CNTNAP4: variants seen among roughly 807,000 people sequenced by gnomAD.
CNTNAP4 encodes contactin associated protein family member 4, also known as contactin-associated protein-like 4.
Under a neutral mutation model 148.4 loss-of-function variants are expected in CNTNAP4, and 98 were observed. The observed-to-expected ratio is 0.66, with a 90% CI of 0.56 to 0.78. CNTNAP4 has a LOEUF of 0.78. CNTNAP4 is among the 30% of genes least tolerant of loss of function. The probability of loss-of-function intolerance (pLI) is 0.00; values close to 1 mark genes in which losing one functional copy is unlikely to be tolerated. For synonymous variants in CNTNAP4, 730 were observed against 565.1 expected, an observed-to-expected ratio of 1.29 and a Z score of -4.14; for missense variants, 1,935 against 1,565.6, an observed-to-expected ratio of 1.24 and a Z score of -3.98.
chr16:76,391,720 C>G (rs1173691932), intron 3 of CNTNAP4, among the ~76,000 whole-genome samples: 1 of 152,156 alleles, frequency 6.6e-6, no homozygotes, highest in East Asian at 1.9e-4. Context: ...TCACATGAAG[C>G]TTGAGTAACA....
intron 2 of CNTNAP4, among the ~76,000 whole-genome samples, chr16:76,348,365 A>G (rs182344484): frequency 2.0e-5 from 3 of 152,158 alleles, no homozygotes; most frequent in Admixed American, 2.0e-4. Context: ...GAGTGTAGGC[A>G]GATTTATGAA....
At chr16:76,402,780 C>T (rs1196576933) in intron 3 of CNTNAP4, among the ~76,000 whole-genome samples, 3 of 152,172 alleles carry the variant, frequency 2.0e-5, no homozygotes, top group African/African-American at 7.2e-5. Flanking sequence ...TTCTTGATTT[C>T]AGCCTTAATT....
At chr16:76,488,932 C>G (rs1361478697) in intron 12 of CNTNAP4, among the ~76,000 whole-genome samples, 1 of 152,124 alleles carries the variant, frequency 6.6e-6, no homozygotes, top group Non-Finnish European at 1.5e-5. Context: ...CTAGTAGATA[C>G]TCAAAGATAT....
intron 1 of CNTNAP4, among the ~76,000 whole-genome samples, chr16:76,281,261 A>G (rs547888779): frequency 5.3e-4 from 81 of 152,230 alleles, no homozygotes; most frequent in African/African-American, 1.9e-3. Context: ...TATAGCAGAA[A>G]ATAACTAGAA....
chr16:76,554,130 C>T (rs2085089109), intron 23 of CNTNAP4, among the ~76,000 whole-genome samples: 1 of 152,180 alleles, frequency 6.6e-6, no homozygotes, highest in Admixed American at 6.5e-5. Context: ...TTGACAATTT[C>T]ACTGAAGCAT....
chr16:76,342,473 T>G (rs961397723), intron 2 of CNTNAP4, among the ~76,000 whole-genome samples: 1 of 135,678 alleles, frequency 7.4e-6, no homozygotes, highest in South Asian at 2.5e-4. Context: ...TTCTTTTTTT[T>G]TTTTTTTTTT....
chr16:76,491,518 C>T (rs1343255110), intron 13 of CNTNAP4, among the ~76,000 whole-genome samples: 1 of 152,172 alleles, frequency 6.6e-6, no homozygotes, highest in East Asian at 1.9e-4. Flanking sequence ...CCCTCATTTC[C>T]AGCTCTCCAG....
intron 10 of CNTNAP4, among the ~76,000 whole-genome samples, chr16:76,474,413 A>C (rs1236830601): frequency 2.0e-5 from 3 of 152,194 alleles, no homozygotes; most frequent in African/African-American, 7.2e-5. Context: ...AAACCTATCT[A>C]AATTGTGGTT....
chr16:76,352,178 G>A (rs963925911), intron 2 of CNTNAP4, among the ~76,000 whole-genome samples: 11 of 152,156 alleles, frequency 7.2e-5, no homozygotes, highest in Non-Finnish European at 1.3e-4. Flanking sequence ...GAGATATGCA[G>A]TTGTAGCAAT....
intron 3 of CNTNAP4, among the ~76,000 whole-genome samples, chr16:76,386,353 G>A (rs914316563): frequency 3.9e-5 from 6 of 152,034 alleles, no homozygotes; most frequent in African/African-American, 1.4e-4. Context: ...ATTGGAAACT[G>A]CCCTTTGCCT....
In CNTNAP4 at chr16:76,521,118, C is replaced by CT. The variant is rs11353699; in HGVS notation, c.2366-11dup. ...TTGTTTTCTTTCTGAATTTTTTTTT[C>CT]TTTTTTTTTTTCACAAAACAGGATC... On this transcript the variant is annotated intron_variant, in intron 15 of 23. Coordinates refer to ENST00000611870, the MANE Select transcript of CNTNAP4 (RefSeq NM_033401.5). 2.0e-4 allele frequency: 253 copies of CT among 1,237,066 alleles called. No homozygotes were observed. In the African/African-American group the frequency reaches 3.0e-3, roughly 15 times the overall value. The allele number at this position is 1,237,066 out of a possible 1,614,324, so 76.6% of individuals were successfully genotyped here. A position where few individuals can be genotyped will look rare whatever the true frequency, so the allele number is the denominator to read the frequency against.
At chr16:76,483,275 C>T (rs1021268454) in intron 12 of CNTNAP4, among the ~76,000 whole-genome samples, 1 of 141,078 alleles carries the variant, frequency 7.1e-6, no homozygotes, top group African/African-American at 2.7e-5. Flanking sequence ...CACACACACA[C>T]ACATCCATTC....
At chr16:76,387,593 T>TC (rs1386627388) in intron 3 of CNTNAP4, among the ~76,000 whole-genome samples, 1 of 152,188 alleles carries the variant, frequency 6.6e-6, no homozygotes, top group Non-Finnish European at 1.5e-5. Flanking sequence ...TATGGTAAGA[T>TC]CAATATTACA....
intron 1 of CNTNAP4, among the ~76,000 whole-genome samples, chr16:76,284,779 A>G (rs912437417): frequency 2.0e-5 from 3 of 151,912 alleles, no homozygotes; most frequent in Non-Finnish European, 4.4e-5. Flanking sequence ...GTATGCATGC[A>G]TTTATTTGAC....
intron 3 of CNTNAP4, among the ~76,000 whole-genome samples, chr16:76,415,390 A>G (rs752343250): frequency 7.9e-5 from 12 of 151,186 alleles, no homozygotes; most frequent in African/African-American, 1.2e-4. Flanking sequence ...AACATAATTT[A>G]TAAGTTCTGC....
rs1200001813 is a variant in CNTNAP4, at chr16:76,413,382, T to C, written c.391-14070T>C. Among the ~76,000 whole-genome samples, 4 of 151,380 alleles carry C rather than the reference T, an allele frequency of 2.6e-5. No individual in the cohort carries two copies. In the East Asian group the frequency reaches 5.8e-4, roughly 22 times the overall value. On this transcript the variant is annotated intron_variant, in intron 3 of 23. Coordinates refer to ENST00000611870, the MANE Select transcript of CNTNAP4 (RefSeq NM_033401.5). Reference sequence around the variant, plus strand: ...TGGATATCCAATTTATACAGCACCATGTATTTAAAAGAATTATTTTTCTCC... The same window carrying C: ...TGGATATCCAATTTATACAGCACCACGTATTTAAAAGAATTATTTTTCTCC...
intron 3 of CNTNAP4, among the ~76,000 whole-genome samples, chr16:76,389,230 C>T (rs1467755358): frequency 6.6e-6 from 1 of 152,136 alleles, no homozygotes; most frequent in African/African-American, 2.4e-5. Flanking sequence ...GCAAATGGTT[C>T]CATTTGTCTC....
intron 3 of CNTNAP4, among the ~76,000 whole-genome samples, chr16:76,402,392 T>A (rs1333905490): frequency 6.6e-6 from 1 of 152,026 alleles, no homozygotes; most frequent in Admixed American, 6.6e-5. Flanking sequence ...AGTGGAAGTA[T>A]CTCCTTTGTC....
intron 11 of CNTNAP4, among the ~76,000 whole-genome samples, chr16:76,476,900 A>T (rs2081606409): frequency 6.6e-6 from 1 of 152,042 alleles, no homozygotes; most frequent in African/African-American, 2.4e-5. Context: ...ACCCTATTTA[A>T]TGAGGGTGAT....
Sources: gnomAD v4.1 joint callset for allele counts (sites outside exome capture counted in the v4.1 genomes callset) on GRCh38, gnomAD v4.1.1 for gene constraint, MANE v1.5 for transcripts, NCBI Gene and HGNC (gene_info 2026-07-23, HGNC 2026-07-21) for gene names.